Variants in LYRM1 observed in about 807,000 individuals in gnomAD.
The protein encoded by LYRM1 is LYR motif containing 1, also known as LYR motif-containing protein 1.
In LYRM1, 14 loss-of-function variants were observed where a neutral mutation model predicts 14.9. The observed-to-expected ratio is 0.94, with a 90% CI of 0.62 to 1.47. The LOEUF (loss-of-function observed/expected upper bound fraction) is 1.47, where lower values mean the gene tolerates loss of function less well. Among genes scored for constraint, LYRM1 ranks in the 40% most tolerant of loss-of-function variants. The probability of loss-of-function intolerance (pLI) is 0.00; values close to 1 mark genes in which losing one functional copy is unlikely to be tolerated. For missense variants in LYRM1, 153 were observed against 149.9 expected (o/e 1.02, Z -0.11); for synonymous variants, 43 against 56.2 (o/e 0.77, Z 1.05).
chr16:20,907,749 C>T lies in LYRM1; in HGVS notation c.-1+6860C>T, dbSNP rs190094604. Among the ~76,000 whole-genome samples the T allele has an allele frequency of 3.3e-5, 5 of 152,208 alleles. No individual in the cohort carries two copies. In the East Asian group the frequency reaches 9.7e-4, roughly 29 times the overall value. The stretch of plus-strand genomic sequence containing the variant: ...TGCACCAGCTTCCCCTTACCTGGGT[C>T]CGTTATTAGGTTCCATCACACCATT... On this transcript the variant is annotated intron_variant, in intron 1 of 3. Coordinates refer to ENST00000567954, the MANE Select transcript of LYRM1 (RefSeq NM_001128302.3).
At position 20,913,317 on chromosome 16, in the gene LYRM1, G is replaced by GT. The variant is rs5816141; in HGVS notation, c.1-2223dup. ...ATATTGGTCTCAGTATCTTTTCTTTGTTTTTTTTTTTTTTTTGGAGACAGA... is the reference window on the plus strand; with the variant it reads ...ATATTGGTCTCAGTATCTTTTCTTTGTTTTTTTTTTTTTTTTTGGAGACAGA... On this transcript the variant is annotated intron_variant, in intron 1 of 3. Transcript: ENST00000567954. Among the ~76,000 whole-genome samples the GT allele has an allele frequency of 6.8e-3, 843 of 123,252 alleles. 8 individuals carry two copies. Among genetic ancestry groups the GT allele is most frequent in the African/African-American group, 0.02 (689 of 34,710 alleles). 80.9% of individuals were successfully genotyped at this position (123,252 alleles called of 152,430 possible).
chr16:20,923,186 C>T (rs924114047), intron 3 of LYRM1, among the ~76,000 whole-genome samples: 53 of 152,118 alleles, frequency 3.5e-4, no homozygotes, highest in African/African-American at 1.2e-3. Context: ...CACCCATTGC[C>T]AATCAGATTG....
At chr16:20,905,456 C>T (rs2152529414) in intron 1 of LYRM1, among the ~76,000 whole-genome samples, 1 of 152,224 alleles carries the variant, frequency 6.6e-6, no homozygotes, top group Middle Eastern at 3.4e-3. Context: ...ACAGACATTC[C>T]CTACTCTGCT....
chr16:20,906,078 C>T lies in LYRM1; in HGVS notation c.-1+5189C>T, dbSNP rs138183629. Reference sequence around the variant, plus strand: ...CAAGACAGTCCCAAATCTCCCCCTGCTCTCCCCACCTCCTACTCCCTGCAA... The same window carrying T: ...CAAGACAGTCCCAAATCTCCCCCTGTTCTCCCCACCTCCTACTCCCTGCAA... On this transcript the variant is annotated intron_variant, in intron 1 of 3. Coordinates refer to ENST00000567954, the MANE Select transcript of LYRM1 (RefSeq NM_001128302.3). Among the ~76,000 whole-genome samples, 8 of 152,298 alleles carry T rather than the reference C, an allele frequency of 5.3e-5. No homozygotes were observed. The East Asian group carries it at 1.5e-3, about 29-fold the overall frequency.
At chr16:20,905,870 GTTAA>G (rs2152530155) in intron 1 of LYRM1, among the ~76,000 whole-genome samples, 1 of 152,278 alleles carries the variant, frequency 6.6e-6, no homozygotes, top group African/African-American at 2.4e-5. Context: ...CCTAGTAAGG[GTTAA>G]TTAGTATTTA....
chr16:20,903,514 T>C (rs1442984615), intron 1 of LYRM1, among the ~76,000 whole-genome samples: 1 of 152,232 alleles, frequency 6.6e-6, no homozygotes, highest in Non-Finnish European at 1.5e-5. Context: ...TGCCAGTAGC[T>C]ACCTGTGACA....
intron 2 of LYRM1, among the ~76,000 whole-genome samples, chr16:20,916,758 C>T (rs1490174561): frequency 6.6e-6 from 1 of 152,186 alleles, no homozygotes; most frequent in East Asian, 1.9e-4. Context: ...GCTCCTGTCA[C>T]CACTCTGCAA....
intron 1 of LYRM1, among the ~76,000 whole-genome samples, chr16:20,913,215 T>C (rs2082691642): frequency 4.0e-5 from 6 of 151,780 alleles, no homozygotes; most frequent in African/African-American, 7.3e-5. Context: ...GGAAATGTTA[T>C]TTGGAAGGGG....
intron 1 of LYRM1, among the ~76,000 whole-genome samples, chr16:20,903,392 G>A (rs2082162402): frequency 6.6e-6 from 1 of 152,154 alleles, no homozygotes. Context: ...TGACCCCTGT[G>A]GGCATTTGAT....
intron 1 of LYRM1, among the ~76,000 whole-genome samples, chr16:20,914,227 G>A (rs956978925): frequency 1.3e-5 from 2 of 151,630 alleles, no homozygotes; most frequent in African/African-American, 4.8e-5. Flanking sequence ...GACAACCTCT[G>A]GGTGGAACTG....
chr16:20,912,149 C>T (rs141902595), intron 1 of LYRM1, among the ~76,000 whole-genome samples: 2 of 152,132 alleles, frequency 1.3e-5, no homozygotes, highest in East Asian at 2.0e-4. Flanking sequence ...AACATGTTAC[C>T]GAGGTGGGTC....
chr16:20,923,880 T>A (rs1395069241), intron 3 of LYRM1, 120 bp from the exon 4 acceptor site: 11 of 579,404 alleles, frequency 1.9e-5, no homozygotes, highest in Non-Finnish European at 2.8e-5. Flanking sequence ...TAAAGATTAA[T>A]GAATCAATGT....
intron 3 of LYRM1, chr16:20,920,789 G>A (rs2152555653): frequency 6.5e-6 from 1 of 153,088 alleles, no homozygotes; most frequent in East Asian, 1.9e-4. Context: ...TTGGGGAACT[G>A]AGGTGGGAGA....
At position 20,920,203 on chromosome 16, in the gene LYRM1, T is replaced by C. The variant is rs1479175927; in HGVS notation, c.241T>C (p.Tyr81His). 1 of 1,613,074 alleles carries C rather than the reference T, an allele frequency of 6.2e-7. No individual in the cohort carries two copies. Among genetic ancestry groups the C allele is most frequent in the South Asian group, 1.1e-5 (1 of 91,064 alleles). ...IEIGLHYKIP[Y>H]PRPIHLPPMG... The stretch of plus-strand genomic sequence containing the variant: ...AATTGGACTGCATTACAAGATTCCT[T>C]ACCCAAGGCCAGTAAGTGTGACTCC... The change falls in exon 3 of 4, where the codon TAC (tyrosine) becomes CAC (histidine). Residue 81 changes from tyrosine to histidine, a missense_variant. Tyr to His is a moderately conservative substitution (Grantham distance 83, BLOSUM62 2). Transcript: ENST00000567954.
chr16:20,911,517 A>G (rs1596731071), intron 1 of LYRM1, among the ~76,000 whole-genome samples: 2 of 152,330 alleles, frequency 1.3e-5, no homozygotes, highest in African/African-American at 2.4e-5. Context: ...TGAGCCTGTT[A>G]GAGGAAAACC....
At chr16:20,902,864 A>G (rs2082133618) in intron 1 of LYRM1, 1 of 152,170 alleles carries the variant, frequency 6.6e-6, no homozygotes, top group Non-Finnish European at 1.5e-5. Flanking sequence ...CTGGGCAGGA[A>G]CACTGTGTTC....
intron 2 of LYRM1, among the ~76,000 whole-genome samples, chr16:20,916,451 T>A (rs1427182244): frequency 1.3e-5 from 2 of 152,176 alleles, no homozygotes; most frequent in African/African-American, 4.8e-5. Flanking sequence ...GCTCCCCTCA[T>A]GAAACTTCCT....
intron 3 of LYRM1, chr16:20,921,653 G>A (rs1297580686): frequency 6.6e-6 from 1 of 150,740 alleles, no homozygotes; most frequent in Non-Finnish European, 1.5e-5. Flanking sequence ...GCCCACCGTG[G>A]CCTCCAAAAG....
At chr16:20,902,529 A>G (rs1275530563) in intron 1 of LYRM1, 1 of 152,246 alleles carries the variant, frequency 6.6e-6, no homozygotes, top group East Asian at 1.9e-4. Flanking sequence ...GACGACACAG[A>G]CAAGACCTCA....
Sources: allele counts gnomAD v4.1 joint callset (sites outside exome capture counted in the v4.1 genomes callset), GRCh38; gene constraint gnomAD v4.1.1; transcripts MANE v1.5; gene names NCBI Gene and HGNC (gene_info 2026-07-23, HGNC 2026-07-21).